Variants in PARP16 observed in about 807,000 individuals in gnomAD.
PARP16 encodes protein mono-ADP-ribosyltransferase PARP16.
Under a neutral mutation model 35.0 loss-of-function variants are expected in PARP16, and 31 were observed. The ratio of observed to expected loss-of-function variants is 0.88; its 90% CI spans 0.66 to 1.19. The LOEUF is 1.19. Ranked by LOEUF, PARP16 falls within the 50% of genes most tolerant of loss-of-function variation. PARP16 has a pLI of 0.00. For synonymous variants in PARP16, 162 were observed against 169.5 expected (o/e 0.96, Z 0.34); for missense variants, 424 against 411.2 (o/e 1.03, Z -0.27).
Position 65,286,756 on chromosome 15 carries a change from T to G in PARP16, c.-330A>C. ...TAGGGGAAGGGCTATGACAATGGAA[T>G]GACAACCGCGGGAACGTGCTGACAC... On this transcript the variant is annotated 5_prime_UTR_variant, in exon 1 of 6. Transcript: ENST00000649807. The G allele has an allele frequency of 3.5e-6, 1 of 285,038 alleles. No individual in the cohort carries two copies. The highest frequency in any genetic ancestry group is 6.5e-6 in the Non-Finnish European group (1 of 152,732). The allele number at this position is 285,038 out of a possible 1,614,324, so 17.7% of individuals were successfully genotyped here. A position where few individuals can be genotyped will look rare whatever the true frequency, so the allele number is the denominator to read the frequency against.
At chr15:65,286,133 G>A (rs1363475565) in intron 1 of PARP16, 120 bp downstream of exon 1, 1 of 811,150 alleles carries the variant, frequency 1.2e-6, no homozygotes, top group South Asian at 2.3e-5. Context: ...GACCAAGCTG[G>A]GAATGGAAAG....
At chr15:65,275,418 G>A (rs2090224271) in intron 1 of PARP16, among the ~76,000 whole-genome samples, 7 of 152,106 alleles carry the variant, frequency 4.6e-5, no homozygotes, top group Admixed American at 4.6e-4. Context: ...CTGTGTCTCA[G>A]CTTTCTCAAA....
chr15:65,261,140 G>T, intron 4 of PARP16, 114 bp from the exon 5 acceptor site: 2 of 939,168 alleles, frequency 2.1e-6, no homozygotes, highest in Non-Finnish European at 3.2e-6. Context: ...GGCCTGGCAG[G>T]CTGAGGAACA....
At chr15:65,256,749 C>T (rs1393505011), downstream of PARP16, among the ~76,000 whole-genome samples, 1 of 152,082 alleles carries the variant, frequency 6.6e-6, no homozygotes, top group Non-Finnish European at 1.5e-5. Context: ...TCCCTGTCTA[C>T]CTCTCCAGCC....
At chr15:65,240,134 GTTTTT>G (rs1244651603) in intron 3 of PARP16, among the ~76,000 whole-genome samples, 1 of 143,450 alleles carries the variant, frequency 7.0e-6, no homozygotes, top group Non-Finnish European at 1.5e-5. Flanking sequence ...CTCGGCTAAT[GTTTTT>G]TTTCTTTTCT....
chr15:65,246,983 T>A (rs2089225745), intron 3 of PARP16, among the ~76,000 whole-genome samples: 1 of 148,868 alleles, frequency 6.7e-6, no homozygotes, highest in Non-Finnish European at 1.5e-5. Flanking sequence ...GTGCCTGGCA[T>A]CATGCTCAAC....
intron 3 of PARP16, among the ~76,000 whole-genome samples, chr15:65,264,102 T>C (rs780186180): frequency 1.3e-5 from 2 of 152,218 alleles, no homozygotes; most frequent in Non-Finnish European, 2.9e-5. Context: ...TTACTCTTTG[T>C]ATTGGGGTTG....
rs948127042 is a variant in PARP16 at position 65,251,771 on chromosome 15, G to A, written c.203-3543C>T. Among the ~76,000 whole-genome samples the A allele has an allele frequency of 1.5e-4, 22 of 151,368 alleles. No individual in the cohort carries two copies. In the South Asian group the frequency reaches 2.3e-3, roughly 16 times the overall value. On this transcript the variant is annotated intron_variant and NMD_transcript_variant, in intron 2 of 3. Transcript: ENST00000559805. ...GCCTAGGTTTTTTTTTTGTTCGTTT[G>A]TTTGCTTTTTTGAGATGGAATCTCG...
chr15:65,236,409 G>A (rs2088879739), intron 3 of PARP16, among the ~76,000 whole-genome samples: 1 of 152,222 alleles, frequency 6.6e-6, no homozygotes, highest in African/African-American at 2.4e-5. Context: ...GGAACCAAGA[G>A]AGAATTCTCT....
At chr15:65,284,383 C>T (rs1376075815) in intron 1 of PARP16, among the ~76,000 whole-genome samples, 1 of 139,112 alleles carries the variant, frequency 7.2e-6, no homozygotes, top group African/African-American at 2.8e-5. Context: ...TGCTCTGTTG[C>T]CCAGGCTGGA....
intron 3 of PARP16, among the ~76,000 whole-genome samples, chr15:65,241,299 C>T (rs186805611): frequency 1.5e-4 from 22 of 151,640 alleles, no homozygotes; most frequent in Admixed American, 1.4e-3. Flanking sequence ...TGCCACCACA[C>T]CCAGCTAATT....
At chr15:65,250,196 C>T (rs1231281217) in intron 2 of PARP16, among the ~76,000 whole-genome samples, 9 of 146,912 alleles carry the variant, frequency 6.1e-5, no homozygotes, top group Non-Finnish European at 1.0e-4. Flanking sequence ...CAGCTCACTG[C>T]AACCCCCGCC....
intron 4 of PARP16, among the ~76,000 whole-genome samples, chr15:65,262,105 G>A (rs1218543459): frequency 3.3e-5 from 5 of 151,516 alleles, no homozygotes; most frequent in African/African-American, 1.2e-4. Flanking sequence ...GAATTCTCTT[G>A]GAACCAACAA....
chr15:65,271,352 C>CA (rs1350684063), intron 1 of PARP16, among the ~76,000 whole-genome samples: 1 of 152,070 alleles, frequency 6.6e-6, no homozygotes. Context: ...TGGCTCACTG[C>CA]AGCCTCTGCC....
chr15:65,259,638 T>G, intron 5 of PARP16, 96 bp from the exon 6 acceptor site: 1 of 1,179,842 alleles, frequency 8.5e-7, no homozygotes, highest in South Asian at 1.4e-5. Flanking sequence ...GACAAAATGA[T>G]GAATTTCATC....
chr15:65,245,687 C>T (rs2089191856), intron 3 of PARP16, among the ~76,000 whole-genome samples: 1 of 152,142 alleles, frequency 6.6e-6, no homozygotes, highest in Non-Finnish European at 1.5e-5. Context: ...GGAGGCCCCA[C>T]TCATGGTGAC....
chr15:65,265,648 A>T (rs968804230), intron 3 of PARP16, among the ~76,000 whole-genome samples: 2 of 152,156 alleles, frequency 1.3e-5, no homozygotes, highest in African/African-American at 2.4e-5. Flanking sequence ...CCCCAAGGAA[A>T]GTGCTTCTCA....
chr15:65,268,751 A>G (rs1333185097), intron 2 of PARP16, among the ~76,000 whole-genome samples: 1 of 151,202 alleles, frequency 6.6e-6, no homozygotes, highest in East Asian at 2.0e-4. Context: ...AGTCCATTTC[A>G]GTGGTTTTTT....
chr15:65,275,696 C>T (rs1371451304), intron 1 of PARP16, among the ~76,000 whole-genome samples: 1 of 152,028 alleles, frequency 6.6e-6, no homozygotes, highest in Non-Finnish European at 1.5e-5. Flanking sequence ...ACTTGGGAAC[C>T]CCAAGCTTTG....
Sources: allele counts gnomAD v4.1 joint callset (sites outside exome capture counted in the v4.1 genomes callset), GRCh38; gene constraint gnomAD v4.1.1; transcripts MANE v1.5; gene names NCBI Gene and HGNC (gene_info 2026-07-23, HGNC 2026-07-21).